The following MYOM1 variants were observed in gnomAD, a reference collection of about 807,000 sequenced individuals.
MYOM1 encodes myomesin 1, also known as myomesin-1.
Under a neutral mutation model 205.3 loss-of-function variants are expected in MYOM1, and 164 were observed. The ratio of observed to expected loss-of-function variants is 0.80; its 90% CI spans 0.70 to 0.91. MYOM1 has a LOEUF of 0.91. Ranked by LOEUF, MYOM1 falls within the 40% of genes least tolerant of loss-of-function variation. The pLI is 0.00. For missense variants in MYOM1, 2,011 were observed against 2,127.3 expected (o/e 0.95, Z 1.08); for synonymous variants, 772 against 789.4 (o/e 0.98, Z 0.37).
chr18:3,193,711 C>T (rs2080951862), intron 3 of MYOM1, 107 bp downstream of exon 3: 19 of 1,179,614 alleles, frequency 1.6e-5, no homozygotes, highest in Non-Finnish European at 2.2e-5. Flanking sequence ...ATGTTAGCTG[C>T]TATTTCTATA....
intron 12 of MYOM1, among the ~76,000 whole-genome samples, chr18:3,150,917 C>T (rs187108588): frequency 2.7e-4 from 41 of 150,150 alleles, no homozygotes; most frequent in Admixed American, 1.3e-3. Context: ...TGGGCTCTAG[C>T]GATCCTCCCA....
chr18:3,163,504 G>A (rs1014626089), intron 10 of MYOM1, among the ~76,000 whole-genome samples: 15 of 152,096 alleles, frequency 9.9e-5, no homozygotes, highest in African/African-American at 3.4e-4. Flanking sequence ...CCAGGCTGGA[G>A]TGCAGTGGCA....
chr18:3,073,656 A>AT (rs1315735075), intron 36 of MYOM1, among the ~76,000 whole-genome samples: 2 of 152,280 alleles, frequency 1.3e-5, no homozygotes, highest in East Asian at 1.9e-4. Flanking sequence ...TACTATGATT[A>AT]TTTCTGAATA....
chr18:3,159,963 C>T (rs368808419), intron 10 of MYOM1, among the ~76,000 whole-genome samples: 34 of 139,578 alleles, frequency 2.4e-4, no homozygotes, highest in African/African-American at 8.0e-4. Context: ...CCTTCCCTGC[C>T]TGCCTTCCTT....
Position 3,164,389 on chromosome 18 carries a change from G to T in MYOM1, c.1390C>A (p.Arg464=). The T allele has an allele frequency of 6.2e-7, 1 of 1,610,480 alleles. No homozygotes were observed. Among genetic ancestry groups the T allele is most frequent in the Non-Finnish European group, 8.5e-7 (1 of 1,178,118 alleles). The change falls in exon 10 of 38, where the codon CGG becomes AGG. Residue 464 remains arginine, a synonymous_variant. Coordinates refer to ENST00000356443, the MANE Select transcript of MYOM1 (RefSeq NM_003803.4). ...KWVQTLWSGE[R]ATLTFSHLNK... The stretch of plus-strand genomic sequence containing the variant: ...AGATGGGAAAATGTCAGCGTTGCCC[G>T]CTCTCCACTCCAAAGTGTTTGCACC...
chr18:3,240,651 T>C, the MYOM1 span, among the ~76,000 whole-genome samples: 1 of 152,084 alleles, frequency 6.6e-6, no homozygotes, highest in East Asian at 1.9e-4. Context: ...TTGGTACCAG[T>C]AGAGTGGGCG....
rs1043518374 is a variant in MYOM1 at position 3,129,243 on chromosome 18, T to C, written c.2783A>G (p.Lys928Arg). 6.2e-7 allele frequency: 1 copy of C among 1,613,466 alleles called. No individual in the cohort carries two copies. The highest frequency in any genetic ancestry group is 1.1e-5 in the South Asian group (1 of 91,074). ...TTCTCAACTCTCACCTCTGTCTGTCTTCTTTTTCAGGGGGTCAGACTTACT... is the reference window on the plus strand; with the variant it reads ...TTCTCAACTCTCACCTCTGTCTGTCCTCTTTTTCAGGGGGTCAGACTTACT... Reference protein sequence around the residue: ...GKSKSDPLKKKTDRAPPSPPC... With the variant: ...GKSKSDPLKKRTDRAPPSPPC... The change falls in exon 18 of 38, where the codon AAG becomes AGG. Residue 928 changes from lysine (K) to arginine (R), a missense_variant. Transcript: ENST00000356443.
At chr18:3,168,207 TG>T (rs2080500325) in intron 9 of MYOM1, among the ~76,000 whole-genome samples, 1 of 152,258 alleles carries the variant, frequency 6.6e-6, no homozygotes, top group East Asian at 1.9e-4. Flanking sequence ...CATAAGGTTA[TG>T]TTTTTTAAAG....
At chr18:3,166,271 T>C (rs960139097) in intron 9 of MYOM1, among the ~76,000 whole-genome samples, 1 of 141,554 alleles carries the variant, frequency 7.1e-6, no homozygotes, top group Non-Finnish European at 1.6e-5. Flanking sequence ...GTCTTTTTTT[T>C]TTTTTTTTTT....
At chr18:3,211,449 T>C (rs2081190098) in intron 2 of MYOM1, among the ~76,000 whole-genome samples, 1 of 152,226 alleles carries the variant, frequency 6.6e-6, no homozygotes, top group Admixed American at 6.5e-5. Context: ...TGCATAATTT[T>C]GCATATAATT....
Position 3,176,114 on chromosome 18 carries a change from AT to A in MYOM1, c.949del (p.Ile317Ter). 1 of 1,608,432 alleles carries A rather than the reference AT, an allele frequency of 6.2e-7. No individual in the cohort carries two copies. Among genetic ancestry groups the A allele is most frequent in the Non-Finnish European group, 8.5e-7 (1 of 1,174,900 alleles). On this transcript the variant is annotated frameshift_variant, in exon 6 of 38. Coordinates refer to ENST00000356443, the MANE Select transcript of MYOM1 (RefSeq NM_003803.4). LOFTEE classifies it high-confidence loss of function. ...CTTTCCAGGGTTTGCATGGACATTT[AT>A]TGGCACCTGGTTTTTATACCTATAA... ...RVTWYKNQVP[I>X]NVHANPGKYI...
In MYOM1 at chr18:3,100,209, G is replaced by A. The variant is rs779215681; in HGVS notation, c.3683-6C>T. ...AGCAAGTAAACGTTTCAATTCTGTA[G>A]GGGGAAAAAGAAGGCAGTTAAACCT... On this transcript the variant is annotated splice_polypyrimidine_tract_variant and splice_region_variant and intron_variant, in intron 24 of 37. Coordinates refer to ENST00000356443, the MANE Select transcript of MYOM1 (RefSeq NM_003803.4). 2.2e-5 allele frequency: 36 copies of A among 1,613,892 alleles called. No homozygotes were observed. The highest frequency in any genetic ancestry group is 3.0e-5 in the Non-Finnish European group (35 of 1,179,836).
intron 19 of MYOM1, among the ~76,000 whole-genome samples, chr18:3,123,827 A>ATTTTTTTT (rs5822739): frequency 1.4e-5 from 2 of 147,466 alleles, no homozygotes; most frequent in African/African-American, 5.2e-5. Flanking sequence ...ATTTTTATTT[A>ATTTTTTTT]TTTATTTTTT....
At chr18:3,235,054 GC>G in the MYOM1 span, among the ~76,000 whole-genome samples, 3 of 151,934 alleles carry the variant, frequency 2.0e-5, no homozygotes, top group South Asian at 6.2e-4. Context: ...ACTGCGCCTG[GC>G]CCGACATACT....
chr18:3,232,257 G>A, the MYOM1 span, among the ~76,000 whole-genome samples: 1 of 151,992 alleles, frequency 6.6e-6, no homozygotes, highest in Non-Finnish European at 1.5e-5. Context: ...TTGAATCCTG[G>A]AGGCGGAGCT....
In MYOM1 at chr18:3,215,264, A is replaced by G. The variant is rs767666063; in HGVS notation, c.-28-13T>C. ...GGAACCGGGCCACCTGAAGGAAAAC[A>G]ACACTTTTTGAGTGACTTATTAAGG... On this transcript the variant is annotated splice_polypyrimidine_tract_variant and intron_variant, in intron 1 of 37. Coordinates refer to ENST00000356443, the MANE Select transcript of MYOM1 (RefSeq NM_003803.4). 7.7e-6 allele frequency: 12 copies of G among 1,550,798 alleles called. No homozygotes were observed. The highest frequency in any genetic ancestry group is 4.4e-6 in the Non-Finnish European group (5 of 1,144,202).
At chr18:3,224,960 C>G (rs552944347), upstream of MYOM1, among the ~76,000 whole-genome samples, 1 of 141,582 alleles carries the variant, frequency 7.1e-6, no homozygotes, top group Non-Finnish European at 1.5e-5. Flanking sequence ...CCACCGTGCC[C>G]GGCCTATTAT....
chr18:3,102,524 A>G lies in MYOM1; in HGVS notation c.3525T>C (p.Tyr1175=), dbSNP rs376280596. The G allele has an allele frequency of 7.4e-6, 12 of 1,613,818 alleles. No individual in the cohort carries two copies. The highest frequency in any genetic ancestry group is 6.7e-5 in the African/African-American group (5 of 74,910). The change falls in exon 23 of 38, where the codon TAT becomes TAC. Residue 1175 remains tyrosine, a synonymous_variant. Coordinates refer to ENST00000356443, the MANE Select transcript of MYOM1 (RefSeq NM_003803.4). ...ATCGTGGAGAGTCCTCAGTGGATAC[A>G]TAATCTTTGGACCAGGAGAACTCGG... is the stretch of plus-strand genomic sequence containing the variant. ...PKSEFSWSKD[Y]VSTEDSPRLE... is the part of the protein sequence containing the mutation.
At chr18:3,081,715 T>C (rs1024630713) in intron 33 of MYOM1, among the ~76,000 whole-genome samples, 1 of 152,244 alleles carries the variant, frequency 6.6e-6, no homozygotes, top group Non-Finnish European at 1.5e-5. Flanking sequence ...ATAATTACTT[T>C]CCTAAAATGT....
Sources: gnomAD v4.1 joint callset for allele counts (sites outside exome capture counted in the v4.1 genomes callset) on GRCh38, gnomAD v4.1.1 for gene constraint, MANE v1.5 for transcripts, NCBI Gene and HGNC (gene_info 2026-07-23, HGNC 2026-07-21) for gene names.